ARHGAP20: variants seen among roughly 807,000 people sequenced by gnomAD.
ARHGAP20 encodes the protein Rho GTPase activating protein 20.
Under a neutral mutation model 73.7 loss-of-function variants are expected in ARHGAP20, and 34 were observed. The observed-to-expected ratio is 0.46, with a 90% confidence interval of 0.35 to 0.61. The LOEUF is 0.61. ARHGAP20 is among the 20% of genes least tolerant of loss of function. The pLI is 0.00. For missense variants in ARHGAP20, 1,314 were observed against 1,420.9 expected (o/e 0.92, Z 1.21); for synonymous variants, 523 against 518.2 (o/e 1.01, Z -0.13).
chr11:110,703,594 TA>T (rs1228105866), intron 1 of ARHGAP20, among the ~76,000 whole-genome samples: 1 of 152,144 alleles, frequency 6.6e-6, no homozygotes, highest in Non-Finnish European at 1.5e-5. Context: ...TAACAGACAG[TA>T]AACTTTAAAG....
intron 9 of ARHGAP20, among the ~76,000 whole-genome samples, chr11:110,603,604 A>T (rs2134867743): frequency 6.6e-6 from 1 of 152,344 alleles, no homozygotes; most frequent in African/African-American, 2.4e-5. Context: ...CAGTTCGAGT[A>T]GTGTTTTACC....
At chr11:110,705,558 T>C (rs769226678) in intron 1 of ARHGAP20, among the ~76,000 whole-genome samples, 8 of 152,190 alleles carry the variant, frequency 5.3e-5, no homozygotes, top group Non-Finnish European at 7.3e-5. Flanking sequence ...TCCTTAACTT[T>C]TATTTTATAA....
At chr11:110,607,701 A>G (rs1226639687) in intron 8 of ARHGAP20, among the ~76,000 whole-genome samples, 1 of 152,206 alleles carries the variant, frequency 6.6e-6, no homozygotes, top group Non-Finnish European at 1.5e-5. Flanking sequence ...TATGACAATA[A>G]TAAAACAAAA....
intron 6 of ARHGAP20, 90 bp from the exon 7 acceptor site, chr11:110,611,476 C>T (rs946334096): frequency 1.6e-6 from 1 of 619,232 alleles, no homozygotes; most frequent in Non-Finnish European, 2.6e-6. Context: ...TATCGAAAGG[C>T]AAATATTGAT....
At chr11:110,588,508 G>T (rs1186990137) in intron 11 of ARHGAP20, among the ~76,000 whole-genome samples, 2 of 152,178 alleles carry the variant, frequency 1.3e-5, no homozygotes, top group Non-Finnish European at 2.9e-5. Flanking sequence ...AAGAACTTTT[G>T]CTAAAAATTA....
intron 1 of ARHGAP20, among the ~76,000 whole-genome samples, chr11:110,707,575 C>T (rs35261668): frequency 0.016 from 2,480 of 152,116 alleles, 38 homozygotes; most frequent in Non-Finnish European, 0.028. Context: ...GGCAATTCTG[C>T]TTGAGATTAA....
At position 110,577,396 on chromosome 11, in the gene ARHGAP20, T is replaced by C; in HGVS notation, c.*1974A>G. On this transcript the variant is annotated 3_prime_UTR_variant, in exon 15 of 15. Coordinates refer to ENST00000683387, the MANE Select transcript of ARHGAP20 (RefSeq NM_001384657.1). Reference sequence around the variant, plus strand: ...TCTAAGGGAACACAGATAGTAGGAATGGTTATTAAAAAACCTCAGCAACTA... The same window carrying C: ...TCTAAGGGAACACAGATAGTAGGAACGGTTATTAAAAAACCTCAGCAACTA... 8.6e-7 allele frequency: 1 copy of C among 1,167,128 alleles called. No homozygotes were observed. The allele number at this position is 1,167,128 out of a possible 1,614,324, so 72.3% of individuals were successfully genotyped here. A position where few individuals can be genotyped will look rare whatever the true frequency, so the allele number is the denominator to read the frequency against.
intron 9 of ARHGAP20, among the ~76,000 whole-genome samples, chr11:110,596,273 CA>C (rs527327895): frequency 0.21 from 30,871 of 150,348 alleles, 4,436 homozygotes; most frequent in African/African-American, 0.37. Flanking sequence ...GCAATGGCAA[CA>C]AGGGCCAAAA....
At chr11:110,603,796 T>C (rs1041677690) in intron 9 of ARHGAP20, among the ~76,000 whole-genome samples, 1 of 152,204 alleles carries the variant, frequency 6.6e-6, no homozygotes, top group African/African-American at 2.4e-5. Flanking sequence ...AAGAGACATA[T>C]GCTCAACTGA....
At position 110,669,873 on chromosome 11, in the gene ARHGAP20, C is replaced by CTAAATAAAAAAA. The variant is rs796899329; in HGVS notation, c.188+20673_188+20674insTTTTTTTATTTA. ...AATACTTGTACATGACTGTACAAAG[C>CTAAATAAAAAAA]AACTTTATTTTTAATCATAAAATTT... On this transcript the variant is annotated intron_variant, in intron 2 of 14. Coordinates refer to ENST00000683387, the MANE Select transcript of ARHGAP20 (RefSeq NM_001384657.1). 1.8e-4 allele frequency among the ~76,000 whole-genome samples: 27 copies of CTAAATAAAAAAA among 152,222 alleles called. No homozygotes were observed. In the South Asian group the frequency reaches 5.4e-3, roughly 30 times the overall value.
At chr11:110,694,395 T>C (rs189431607) in intron 1 of ARHGAP20, among the ~76,000 whole-genome samples, 1 of 151,908 alleles carries the variant, frequency 6.6e-6, no homozygotes, top group Non-Finnish European at 1.5e-5. Flanking sequence ...TCTTTGACCC[T>C]CTGCTGTCTC....
intron 2 of ARHGAP20, among the ~76,000 whole-genome samples, chr11:110,659,784 C>T (rs1949557710): frequency 6.6e-6 from 1 of 151,850 alleles, no homozygotes; most frequent in Admixed American, 6.6e-5. Flanking sequence ...AATCATCATT[C>T]TCAGTAAACT....
At chr11:110,687,055 TAGACACACACACACAC>T (rs1565477727) in intron 2 of ARHGAP20, among the ~76,000 whole-genome samples, 18 of 113,456 alleles carry the variant, frequency 1.6e-4, no homozygotes, top group East Asian at 8.1e-4. Context: ...TATATATATA[TAGACACACACACACAC>T]ACACACATAT....
At chr11:110,690,738 G>T in intron 1 of ARHGAP20, 109 bp from the exon 2 acceptor site, 2 of 1,075,580 alleles carry the variant, frequency 1.9e-6, no homozygotes, top group Non-Finnish European at 2.8e-6. Flanking sequence ...ATCTTTGTCT[G>T]TCAAGGAGCC....
At chr11:110,693,702 T>C (rs1219182926) in intron 1 of ARHGAP20, among the ~76,000 whole-genome samples, 2 of 151,916 alleles carry the variant, frequency 1.3e-5, no homozygotes, top group East Asian at 3.9e-4. Context: ...TCTCAGGCAA[T>C]GAAAACTTAG....
intron 2 of ARHGAP20, among the ~76,000 whole-genome samples, chr11:110,651,757 A>AAT (rs1046848470): frequency 1.3e-5 from 2 of 151,690 alleles, no homozygotes; most frequent in African/African-American, 4.8e-5. Context: ...CAAAAAAAAA[A>AAT]AAAATAAAAC....
At chr11:110,687,800 A>G (rs1950165149) in intron 2 of ARHGAP20, among the ~76,000 whole-genome samples, 1 of 152,224 alleles carries the variant, frequency 6.6e-6, no homozygotes, top group African/African-American at 2.4e-5. Context: ...ACATGCTCAG[A>G]CATGATTATA....
At chr11:110,589,260 C>T (rs1947758123) in intron 11 of ARHGAP20, among the ~76,000 whole-genome samples, 1 of 152,126 alleles carries the variant, frequency 6.6e-6, no homozygotes, top group Non-Finnish European at 1.5e-5. Flanking sequence ...TAATCATAAA[C>T]CCTGTGCAAA....
intron 10 of ARHGAP20, among the ~76,000 whole-genome samples, chr11:110,591,614 A>C (rs571652264): frequency 6.6e-6 from 1 of 152,362 alleles, no homozygotes; most frequent in East Asian, 1.9e-4. Flanking sequence ...AAACGGATTT[A>C]AAAACCTAAG....
Sources: allele counts gnomAD v4.1 joint callset (sites outside exome capture counted in the v4.1 genomes callset), GRCh38; gene constraint gnomAD v4.1.1; transcripts MANE v1.5; gene names NCBI Gene and HGNC (gene_info 2026-07-23, HGNC 2026-07-21).